The following EPHA6 variants were observed in gnomAD, a reference collection of about 807,000 sequenced individuals.
EPHA6 encodes ephrin type-A receptor 6.
A neutral mutation model predicts 112.0 loss-of-function variants in EPHA6; 50 were observed. The observed-to-expected ratio is 0.45, with a 90% CI of 0.36 to 0.56. The LOEUF (loss-of-function observed/expected upper bound fraction) is 0.56, where lower values mean the gene tolerates loss of function less well. Among genes scored for constraint, EPHA6 ranks in the 20% least tolerant of loss-of-function variants. EPHA6 has a pLI of 0.00. For missense variants in EPHA6, 1,280 were observed against 1,417.4 expected, an observed-to-expected ratio of 0.90 and a Z score of 1.56; for synonymous variants, 529 against 490.7, an observed-to-expected ratio of 1.08 and a Z score of -1.03.
intron 3 of EPHA6, among the ~76,000 whole-genome samples, chr3:96,988,333 G>A (rs2043094666): frequency 6.6e-6 from 1 of 152,054 alleles, no homozygotes; most frequent in Non-Finnish European, 1.5e-5. Flanking sequence ...GTATGAAATT[G>A]TGCCAAAGTG....
At chr3:97,572,493 T>A (rs1481712416) in intron 11 of EPHA6, among the ~76,000 whole-genome samples, 1 of 152,084 alleles carries the variant, frequency 6.6e-6, no homozygotes, top group Non-Finnish European at 1.5e-5. Flanking sequence ...CTTTTTTGTC[T>A]TTGTTTTATG....
intron 2 of EPHA6, among the ~76,000 whole-genome samples, chr3:96,960,954 C>T (rs1389776124): frequency 4.6e-5 from 7 of 152,202 alleles, no homozygotes; most frequent in African/African-American, 1.4e-4. Flanking sequence ...CATGGTTTCA[C>T]AGTTCTTGCC....
At chr3:97,618,676 T>C (rs2093786862) in intron 13 of EPHA6, among the ~76,000 whole-genome samples, 1 of 151,990 alleles carries the variant, frequency 6.6e-6, no homozygotes, top group Non-Finnish European at 1.5e-5. Flanking sequence ...AATTGATAAG[T>C]TCCTGGACAC....
At chr3:97,322,727 CTG>C (rs1272394308) in intron 5 of EPHA6, among the ~76,000 whole-genome samples, 2 of 151,932 alleles carry the variant, frequency 1.3e-5, no homozygotes, top group Non-Finnish European at 2.9e-5. Context: ...AACCAAGTCA[CTG>C]TACTAAAATG....
chr3:97,504,280 C>A (rs1465831287), intron 10 of EPHA6, among the ~76,000 whole-genome samples: 2 of 152,028 alleles, frequency 1.3e-5, no homozygotes, highest in African/African-American at 4.8e-5. Context: ...GACACAAAGG[C>A]TAAGGTTGGA....
intron 3 of EPHA6, among the ~76,000 whole-genome samples, chr3:97,199,652 C>A (rs954717145): frequency 1.3e-5 from 2 of 152,120 alleles, no homozygotes; most frequent in African/African-American, 4.8e-5. Context: ...TATATCAGTT[C>A]TTTGAGAAAA....
chr3:97,534,460 C>CCTTTTTTTTT (rs1491502127), intron 11 of EPHA6, among the ~76,000 whole-genome samples: 2 of 136,552 alleles, frequency 1.5e-5, no homozygotes, highest in African/African-American at 2.7e-5. Flanking sequence ...CCACCCCCCC[C>CCTTTTTTTTT]TTTTTTTTTT....
intron 14 of EPHA6, among the ~76,000 whole-genome samples, chr3:97,655,344 C>A (rs976851083): frequency 3.3e-5 from 5 of 151,768 alleles, no homozygotes; most frequent in East Asian, 1.9e-4. Context: ...ACTGCAAATT[C>A]TTTTCTGTCA....
intron 3 of EPHA6, among the ~76,000 whole-genome samples, chr3:97,145,098 A>G (rs2076007110): frequency 6.6e-6 from 1 of 151,478 alleles, no homozygotes; most frequent in Non-Finnish European, 1.5e-5. Flanking sequence ...TATATATAGA[A>G]CTGTATATTT....
chr3:97,021,517 C>T (rs1481277873), intron 3 of EPHA6, among the ~76,000 whole-genome samples: 1 of 152,184 alleles, frequency 6.6e-6, no homozygotes, highest in Non-Finnish European at 1.5e-5. Flanking sequence ...TCTTCTAGGG[C>T]TGCCCTAGCA....
At chr3:96,975,096 T>C (rs888529067) in intron 2 of EPHA6, among the ~76,000 whole-genome samples, 1 of 151,946 alleles carries the variant, frequency 6.6e-6, no homozygotes, top group Admixed American at 6.6e-5. Context: ...CACTTTGGTG[T>C]TTGCTTAGTT....
rs67777487 is a variant in EPHA6, at chr3:97,085,928, CATATAT to C, written c.1114+97951_1114+97956del. On this transcript the variant is annotated intron_variant, in intron 3 of 17. Coordinates refer to ENST00000389672, the MANE Select transcript of EPHA6 (RefSeq NM_001080448.3). ...TTGTGAGCTTTTATATATATGATGTCATATATATATATATATATATACACACTGAGA... is the reference window on the plus strand; with the variant it reads ...TTGTGAGCTTTTATATATATGATGTCATATATATATATATACACACTGAGA... 8.0e-4 allele frequency among the ~76,000 whole-genome samples: 96 copies of C among 119,496 alleles called. 4 individuals are homozygous for C. The highest frequency in any genetic ancestry group is 4.1e-3 in the African/African-American group (92 of 22,344). 78.4% of individuals were successfully genotyped at this position (119,496 alleles called of 152,430 possible).
At chr3:97,561,768 G>A (rs1286102010) in intron 11 of EPHA6, among the ~76,000 whole-genome samples, 3 of 152,058 alleles carry the variant, frequency 2.0e-5, no homozygotes, top group East Asian at 1.9e-4. Flanking sequence ...AATTTCATAA[G>A]TAGAGAGAAG....
At position 96,987,946 on chromosome 3, in the gene EPHA6, G is replaced by A; in HGVS notation, c.1067G>A (p.Arg356Lys). ...GGAGATTGGCTGGTTCCTCTTGGAA[G>A]GTGCATCTGCAGTACAGGATATGAA... The part of the protein sequence containing the change: ...ADGDWLVPLG[R>K]CICSTGYEEI... Residue 356 changes from arginine (R) to lysine (K), a missense_variant, in exon 3 of 18, where the codon AGG becomes AAG. Arg to Lys is a conservative substitution (Grantham distance 26, BLOSUM62 2). This residue lies in a region of EPHA6 where 878 missense variants were observed against 999.7 expected (regional missense o/e 0.88). Transcript: ENST00000389672. 1 of 1,613,260 alleles carries A rather than the reference G, an allele frequency of 6.2e-7. No individual in the cohort carries two copies. The highest frequency in any genetic ancestry group is 8.5e-7 in the Non-Finnish European group (1 of 1,179,494).
In EPHA6 at chr3:97,532,512, C is replaced by T. The variant is rs748050269; in HGVS notation, c.2355C>T (p.Asn785=). The T allele has an allele frequency of 6.2e-6, 10 of 1,610,732 alleles. No individual in the cohort carries two copies. In the African/African-American group the frequency reaches 1.2e-4, roughly 19 times the overall value. ...TCATGGGCCAGTTTGACCATCCAAA[C>T]ATCATTCGCCTAGAAGGGGTTGTCA... The part of the protein sequence containing the change: ...ASIMGQFDHP[N]IIRLEGVVTK... Residue 785 remains asparagine, a synonymous_variant, in exon 11 of 18, where the codon AAC becomes AAT. Transcript: ENST00000389672.
At chr3:97,372,359 G>T (rs1005292751) in intron 5 of EPHA6, among the ~76,000 whole-genome samples, 1 of 152,110 alleles carries the variant, frequency 6.6e-6, no homozygotes, top group Non-Finnish European at 1.5e-5. Flanking sequence ...ATGTCAATTT[G>T]TACAGTCCCT....
intron 5 of EPHA6, among the ~76,000 whole-genome samples, chr3:97,404,039 G>C (rs908493990): frequency 6.6e-6 from 1 of 152,040 alleles, no homozygotes; most frequent in African/African-American, 2.4e-5. Flanking sequence ...TTCTCTAGTG[G>C]ATATAGCATA....
intron 5 of EPHA6, among the ~76,000 whole-genome samples, chr3:97,308,513 C>G (rs1430929647): frequency 6.6e-6 from 1 of 151,726 alleles, no homozygotes; most frequent in African/African-American, 2.4e-5. Context: ...ATTCACATAT[C>G]TATTCTCTTT....
rs200846174 is a variant in EPHA6, at chr3:97,105,078, T to TA, written c.1114+117094dup. On this transcript the variant is annotated intron_variant, in intron 3 of 17. Coordinates refer to ENST00000389672, the MANE Select transcript of EPHA6 (RefSeq NM_001080448.3). ...CTAGCAGCCTATTTATCTTATTCATTAAAAAAAAACTCCTCGATTTCTTTG... is the reference window on the plus strand; with the variant it reads ...CTAGCAGCCTATTTATCTTATTCATTAAAAAAAAAACTCCTCGATTTCTTTG... Among the ~76,000 whole-genome samples, 904 of 150,860 alleles carry TA rather than the reference T, an allele frequency of 6.0e-3. 7 individuals carry two copies. Among genetic ancestry groups the TA allele is most frequent in the African/African-American group, 0.019 (778 of 41,206 alleles).
Sources: allele counts gnomAD v4.1 joint callset (sites outside exome capture counted in the v4.1 genomes callset), GRCh38; gene constraint gnomAD v4.1.1; regional missense constraint gnomAD v4.1.1; transcripts MANE v1.5; gene names NCBI Gene and HGNC (gene_info 2026-07-23, HGNC 2026-07-21).